COL25A1: variants seen among roughly 807,000 people sequenced by gnomAD.
The protein encoded by COL25A1 is collagen type XXV alpha 1 chain, also known as collagen alpha-1(XXV) chain.
In COL25A1, 103 loss-of-function variants were observed where a neutral mutation model predicts 128.4. The ratio of observed to expected loss-of-function variants is 0.80; its 90% CI spans 0.68 to 0.94. COL25A1 has a LOEUF of 0.94. Ranked by LOEUF, COL25A1 falls within the 40% of genes least tolerant of loss-of-function variation. The pLI is 0.00. For synonymous variants in COL25A1, 279 were observed against 277.2 expected (o/e 1.01, Z -0.06); for missense variants, 745 against 840.0 (o/e 0.89, Z 1.40).
chr4:109,052,361 T>C (rs776341231), intron 3 of COL25A1, among the ~76,000 whole-genome samples: 2 of 152,162 alleles, frequency 1.3e-5, no homozygotes, highest in Non-Finnish European at 1.5e-5. Flanking sequence ...ATACTGAGAA[T>C]TGAAGAACAG....
At position 109,111,056 on chromosome 4, in the gene COL25A1, G is replaced by C. The variant is rs1766954768; in HGVS notation, c.368-60877C>G. Among the ~76,000 whole-genome samples the C allele has an allele frequency of 1.3e-5, 2 of 152,112 alleles. 1 individual carries two copies. Among genetic ancestry groups the C allele is most frequent in the South Asian group, 4.1e-4 (2 of 4,824 alleles). ...TTCAAAACCCCGTGTGGCACATGAG[G>C]CCCTTCAAAATCTTTCTCTGGCCAC... On this transcript the variant is annotated intron_variant, in intron 3 of 37. Coordinates refer to ENST00000399132, the MANE Select transcript of COL25A1 (RefSeq NM_198721.4).
intron 3 of COL25A1, among the ~76,000 whole-genome samples, chr4:109,279,041 AG>A (rs1488823510): frequency 2.0e-5 from 3 of 150,788 alleles, no homozygotes; most frequent in East Asian, 3.9e-4. Context: ...CTCATGAACT[AG>A]TCACCTCTCA....
chr4:108,955,164 T>C (rs1040643524), intron 8 of COL25A1, among the ~76,000 whole-genome samples: 6 of 152,082 alleles, frequency 3.9e-5, no homozygotes, highest in African/African-American at 1.4e-4. Context: ...TAAGGGACTG[T>C]CAATCATTCT....
chr4:108,871,771 C>A (rs542802565), intron 19 of COL25A1, among the ~76,000 whole-genome samples: 1 of 152,308 alleles, frequency 6.6e-6, no homozygotes, highest in Non-Finnish European at 1.5e-5. Context: ...TCACAGTTTT[C>A]GTCTATTTAC....
chr4:109,171,956 C>A (rs1560807648), intron 3 of COL25A1, among the ~76,000 whole-genome samples: 1 of 151,950 alleles, frequency 6.6e-6, no homozygotes. Flanking sequence ...CAGAGATATC[C>A]CAGGGAATAA....
chr4:108,983,953 G>A (rs373203479), intron 6 of COL25A1, among the ~76,000 whole-genome samples: 28 of 152,200 alleles, frequency 1.8e-4, no homozygotes, highest in African/African-American at 6.7e-4. Flanking sequence ...CTGCTGACTC[G>A]GGCAGCCTGC....
intron 3 of COL25A1, among the ~76,000 whole-genome samples, chr4:109,126,395 T>G (rs956476606): frequency 6.6e-6 from 1 of 152,148 alleles, no homozygotes; most frequent in Non-Finnish European, 1.5e-5. Context: ...AGAACAAAGC[T>G]TCCAAACCTG....
chr4:108,937,644 T>C (rs1393681835), intron 11 of COL25A1, among the ~76,000 whole-genome samples, 164 bp downstream of exon 11: 1 of 152,246 alleles, frequency 6.6e-6, no homozygotes, highest in Non-Finnish European at 1.5e-5. Context: ...ATATGTAGTC[T>C]TATGACCATT....
chr4:109,104,438 A>G (rs1463639467), intron 3 of COL25A1, among the ~76,000 whole-genome samples: 5 of 151,796 alleles, frequency 3.3e-5, no homozygotes, highest in Admixed American at 1.3e-4. Flanking sequence ...ATCTGTAATG[A>G]ATTAATGGTT....
At chr4:108,850,379 A>G (rs927187881) in intron 26 of COL25A1, among the ~76,000 whole-genome samples, 1 of 151,082 alleles carries the variant, frequency 6.6e-6, no homozygotes, top group Non-Finnish European at 1.5e-5. Context: ...TTCCACCCCA[A>G]TTATCCCAAC....
At chr4:108,999,505 T>C (rs1051356492) in intron 6 of COL25A1, among the ~76,000 whole-genome samples, 7 of 152,232 alleles carry the variant, frequency 4.6e-5, no homozygotes, top group African/African-American at 1.7e-4. Context: ...GGAATGCTTT[T>C]ACACTGTTGG....
At chr4:109,300,272 T>G (rs1259613115) in intron 3 of COL25A1, among the ~76,000 whole-genome samples, 1 of 152,104 alleles carries the variant, frequency 6.6e-6, no homozygotes, top group Non-Finnish European at 1.5e-5. Context: ...CTGTAGACAT[T>G]AAGACAATTT....
At chr4:109,147,295 G>C (rs1355527226) in intron 3 of COL25A1, among the ~76,000 whole-genome samples, 1 of 152,122 alleles carries the variant, frequency 6.6e-6, no homozygotes, top group Non-Finnish European at 1.5e-5. Context: ...ACAGGAAAGA[G>C]TCTCTGGGCT....
intron 3 of COL25A1, among the ~76,000 whole-genome samples, chr4:109,213,342 C>A (rs1777732050): frequency 6.6e-6 from 1 of 152,110 alleles, no homozygotes; most frequent in Non-Finnish European, 1.5e-5. Context: ...ATCCATGTTA[C>A]CTCTCCTTAA....
At chr4:108,979,022 TTTTA>T (rs1293216735) in intron 6 of COL25A1, among the ~76,000 whole-genome samples, 2 of 152,208 alleles carry the variant, frequency 1.3e-5, no homozygotes, top group South Asian at 2.1e-4. Flanking sequence ...CTAATAAAGT[TTTTA>T]TTTATTAGTG....
intron 6 of COL25A1, among the ~76,000 whole-genome samples, chr4:108,982,453 G>A (rs1449096269): frequency 6.6e-6 from 1 of 152,100 alleles, no homozygotes. Flanking sequence ...CCGTAGCATA[G>A]AGTAGGTGCC....
chr4:109,299,886 G>A (rs1725341296), intron 3 of COL25A1, among the ~76,000 whole-genome samples: 1 of 151,918 alleles, frequency 6.6e-6, no homozygotes, highest in African/African-American at 2.4e-5. Flanking sequence ...ATTACCCAGG[G>A]GTCTTATTCA....
chr4:109,268,511 G>A (rs1781947065), intron 3 of COL25A1, among the ~76,000 whole-genome samples: 2 of 152,022 alleles, frequency 1.3e-5, no homozygotes, highest in African/African-American at 4.8e-5. Context: ...GGGGTGGGTA[G>A]GACCTCTTTT....
intron 6 of COL25A1, among the ~76,000 whole-genome samples, chr4:109,001,535 A>G (rs568974194): frequency 7.8e-6 from 1 of 128,032 alleles, no homozygotes; most frequent in African/African-American, 2.7e-5. Context: ...GAGAACTGGG[A>G]TGAAGAGTAT....
Sources: allele counts gnomAD v4.1 joint callset (sites outside exome capture counted in the v4.1 genomes callset), GRCh38; gene constraint gnomAD v4.1.1; transcripts MANE v1.5; gene names NCBI Gene and HGNC (gene_info 2026-07-23, HGNC 2026-07-21).